The following LARP1B variants were observed in gnomAD, a reference collection of about 807,000 sequenced individuals.
LARP1B encodes La ribonucleoprotein 1B.
Under a neutral mutation model 114.2 loss-of-function variants are expected in LARP1B, and 76 were observed. The observed-to-expected ratio is 0.67, with a 90% CI of 0.55 to 0.81. LARP1B has a LOEUF of 0.81. LARP1B is among the 30% of genes least tolerant of loss of function. The probability of loss-of-function intolerance (pLI) is 0.00; values close to 1 mark genes in which losing one functional copy is unlikely to be tolerated. For synonymous variants in LARP1B, 345 were observed against 348.0 expected (o/e 0.99, Z 0.10); for missense variants, 1,014 against 1,075.8 (o/e 0.94, Z 0.80).
At chr4:128,165,057 G>C (rs920594006) in intron 12 of LARP1B, among the ~76,000 whole-genome samples, 13 of 151,978 alleles carry the variant, frequency 8.6e-5, no homozygotes, top group Non-Finnish European at 1.9e-4. Flanking sequence ...ATTACATAAA[G>C]TATAAAATTC....
intron 11 of LARP1B, among the ~76,000 whole-genome samples, chr4:128,149,511 C>A (rs1266788487): frequency 6.6e-6 from 1 of 152,068 alleles, no homozygotes; most frequent in Non-Finnish European, 1.5e-5. Flanking sequence ...TCATTAATAA[C>A]CTACGTGAGA....
At chr4:128,080,903 G>A (rs2149447865) in intron 4 of LARP1B, among the ~76,000 whole-genome samples, 1 of 151,932 alleles carries the variant, frequency 6.6e-6, no homozygotes, top group South Asian at 2.1e-4. Context: ...AATATTTTAG[G>A]CAGTGATGTG....
At chr4:128,116,272 C>G (rs1785790391) in intron 10 of LARP1B, among the ~76,000 whole-genome samples, 1 of 152,070 alleles carries the variant, frequency 6.6e-6, no homozygotes, top group Non-Finnish European at 1.5e-5. Flanking sequence ...GAAGTATAAG[C>G]TAAGATTGAT....
At chr4:128,076,185 T>G (rs917232061) in intron 3 of LARP1B, among the ~76,000 whole-genome samples, 4 of 152,168 alleles carry the variant, frequency 2.6e-5, no homozygotes, top group Non-Finnish European at 1.5e-5. Context: ...GGCTAATTTT[T>G]GTATTTTTAG....
chr4:128,091,580 T>G, intron 7 of LARP1B, 68 bp downstream of exon 7: 1 of 1,269,358 alleles, frequency 7.9e-7, no homozygotes, highest in East Asian at 2.5e-5. Flanking sequence ...TTAATGTCAT[T>G]GATAATGAAT....
chr4:128,188,415 C>G (rs1751072194), intron 15 of LARP1B, among the ~76,000 whole-genome samples: 1 of 152,168 alleles, frequency 6.6e-6, no homozygotes, highest in Admixed American at 6.5e-5. Flanking sequence ...CCTAATACAT[C>G]TAGCTGAAGG....
At chr4:128,086,708 T>C (rs1773713106) in intron 5 of LARP1B, among the ~76,000 whole-genome samples, 1 of 152,202 alleles carries the variant, frequency 6.6e-6, no homozygotes, top group Non-Finnish European at 1.5e-5. Context: ...GCTTATTTTT[T>C]TGCTTGGAAT....
At chr4:128,101,576 T>G (rs1780337554) in intron 8 of LARP1B, among the ~76,000 whole-genome samples, 2 of 151,576 alleles carry the variant, frequency 1.3e-5, no homozygotes, top group African/African-American at 2.4e-5. Flanking sequence ...TTTTTTTTTT[T>G]GCAAAATTTG....
chr4:128,073,809 T>C (rs1458481315), intron 1 of LARP1B, among the ~76,000 whole-genome samples: 1 of 151,884 alleles, frequency 6.6e-6, no homozygotes, highest in Non-Finnish European at 1.5e-5. Context: ...CAGGCTGGTC[T>C]CAAACTCCTG....
Position 128,114,754 on chromosome 4 carries a change from C to T in LARP1B, c.1161+12C>T, listed in dbSNP as rs1481614936. On this transcript the variant is annotated intron_variant, in intron 10 of 19. Coordinates refer to ENST00000326639, the MANE Select transcript of LARP1B (RefSeq NM_018078.4). ...CAGTGAAATTGAGGGTAAGTTGTTA[C>T]AGACTGAGTGAAGTGTGACATACCC... 5 of 1,612,770 alleles carry T rather than the reference C, an allele frequency of 3.1e-6. No homozygotes were observed. Among genetic ancestry groups the T allele is most frequent in the South Asian group, 1.1e-5 (1 of 91,014 alleles).
At chr4:128,068,681 G>A (rs1315174717) in intron 1 of LARP1B, among the ~76,000 whole-genome samples, 1 of 151,988 alleles carries the variant, frequency 6.6e-6, no homozygotes, top group Non-Finnish European at 1.5e-5. Flanking sequence ...CCAAAGTGCT[G>A]CTATTACAGG....
intron 11 of LARP1B, among the ~76,000 whole-genome samples, chr4:128,134,966 G>A (rs897292134): frequency 6.6e-6 from 1 of 152,008 alleles, no homozygotes; most frequent in African/African-American, 2.4e-5. Flanking sequence ...ATTAGGGTTG[G>A]TGGTGCATGC....
At chr4:128,132,228 G>A (rs1231442533) in intron 11 of LARP1B, among the ~76,000 whole-genome samples, 1 of 152,012 alleles carries the variant, frequency 6.6e-6, no homozygotes, top group African/African-American at 2.4e-5. Flanking sequence ...AAGAAATGAA[G>A]TACTATTTGT....
intron 11 of LARP1B, among the ~76,000 whole-genome samples, chr4:128,133,276 ACT>A (rs533171358): frequency 8.3e-4 from 126 of 152,224 alleles, no homozygotes; most frequent in African/African-American, 2.8e-3. Flanking sequence ...TGGTTGTGAA[ACT>A]CTGAATATAT....
At chr4:128,123,259 C>A (rs1788570163) in intron 11 of LARP1B, 1 of 985,358 alleles carries the variant, frequency 1.0e-6, no homozygotes, top group Non-Finnish European at 1.2e-6. Flanking sequence ...TGACTTAGAG[C>A]CTTAGCAGTT....
At chr4:128,206,386 G>A in intron 17 of LARP1B, 42 bp from the exon 18 acceptor site, 1 of 1,158,614 alleles carries the variant, frequency 8.6e-7, no homozygotes, top group Non-Finnish European at 1.2e-6. Flanking sequence ...TAACTATAGA[G>A]ATATTGTATT....
At chr4:128,182,905 C>A (rs923577350) in intron 15 of LARP1B, among the ~76,000 whole-genome samples, 7 of 152,108 alleles carry the variant, frequency 4.6e-5, no homozygotes, top group Non-Finnish European at 8.8e-5. Context: ...TCAAACCACC[C>A]CCAATATTCC....
chr4:128,093,924 T>C (rs138729629), intron 7 of LARP1B, among the ~76,000 whole-genome samples: 1,706 of 152,108 alleles, frequency 0.011, 19 homozygotes, highest in Non-Finnish European at 0.018. Context: ...TTGGTCAGGC[T>C]GGTCTCAAAC....
At chr4:128,082,359 T>C in intron 5 of LARP1B, 54 bp downstream of exon 5, 2 of 1,528,322 alleles carry the variant, frequency 1.3e-6, no homozygotes, top group South Asian at 2.3e-5. Context: ...GTCTTAATGC[T>C]CGTTATTTTA....
Sources: gnomAD v4.1 joint callset for allele counts (sites outside exome capture counted in the v4.1 genomes callset) on GRCh38, gnomAD v4.1.1 for gene constraint, MANE v1.5 for transcripts, NCBI Gene and HGNC (gene_info 2026-07-23, HGNC 2026-07-21) for gene names.